TMEM52B: variants seen among roughly 807,000 people sequenced by gnomAD.
TMEM52B encodes the protein transmembrane protein 52B.
In TMEM52B, 11 loss-of-function variants were observed where a neutral mutation model predicts 16.1. The observed-to-expected ratio is 0.68, with a 90% confidence interval of 0.43 to 1.13. TMEM52B has a LOEUF of 1.13. TMEM52B is among the 50% of genes most tolerant of loss of function. The pLI, the probability that TMEM52B is intolerant of heterozygous loss-of-function variation, is 0.00. For missense variants in TMEM52B, 243 were observed against 230.4 expected, an observed-to-expected ratio of 1.05 and a Z score of -0.35; for synonymous variants, 101 against 93.8, an observed-to-expected ratio of 1.08 and a Z score of -0.45.
chr12:10,174,043 A>ATGTGT (rs1948747479), upstream of TMEM52B, among the ~76,000 whole-genome samples: 2 of 134,800 alleles, frequency 1.5e-5, no homozygotes, highest in Non-Finnish European at 3.1e-5. Flanking sequence ...GGTGAATTTC[A>ATGTGT]TGTGTTTTGT....
At chr12:10,184,984 T>A (rs1488318434) in intron 2 of TMEM52B, among the ~76,000 whole-genome samples, 2 of 152,176 alleles carry the variant, frequency 1.3e-5, no homozygotes, top group African/African-American at 4.8e-5. Context: ...AGTGCTGGGA[T>A]TACAGGCATG....
intron 1 of TMEM52B, chr12:10,182,317 C>G: frequency 5.1e-6 from 5 of 985,208 alleles, no homozygotes; most frequent in Non-Finnish European, 6.0e-6. Flanking sequence ...TGATGCTCAC[C>G]CACCATCAAC....
upstream of TMEM52B, among the ~76,000 whole-genome samples, chr12:10,176,956 C>T (rs1424384087): frequency 6.6e-6 from 1 of 152,170 alleles, no homozygotes. Context: ...GGGAAAGTTT[C>T]ATGATGGGTT....
Position 10,190,387 on chromosome 12 carries a change from T to TGATTAGTTAGCCACACTGGTTAGTAGTA in TMEM52B, c.*247_*248insGATTAGTTAGCCACACTGGTTAGTAGTA. 1 of 465,476 alleles carries TGATTAGTTAGCCACACTGGTTAGTAGTA rather than the reference T, an allele frequency of 2.1e-6. No homozygotes were observed. Among genetic ancestry groups the TGATTAGTTAGCCACACTGGTTAGTAGTA allele is most frequent in the Non-Finnish European group, 3.9e-6 (1 of 254,690 alleles). The allele number at this position is 465,476 out of a possible 1,614,324, so 28.8% of individuals were successfully genotyped here. A position where few individuals can be genotyped will look rare whatever the true frequency, so the allele number is the denominator to read the frequency against. ...AGTAATCTCTAGCCACACTGATTAC[T>TGATTAGTTAGCCACACTGGTTAGTAGTA]ACTAAACCAGGAAAGCATCAAGGTG... On this transcript the variant is annotated 3_prime_UTR_variant, in exon 5 of 5. Transcript: ENST00000543484.
intron 3 of TMEM52B, 61 bp from the exon 4 acceptor site, chr12:10,186,359 C>T: frequency 6.8e-7 from 1 of 1,463,610 alleles, no homozygotes; most frequent in Non-Finnish European, 9.3e-7. Context: ...AGACTGGTTA[C>T]AGCAGAGCTG....
chr12:10,186,286 A>G, intron 3 of TMEM52B, 134 bp from the exon 4 acceptor site: 1 of 577,862 alleles, frequency 1.7e-6, no homozygotes, highest in Non-Finnish European at 2.5e-6. Context: ...TTAAAATTAT[A>G]AATTAAAATA....
upstream of TMEM52B, among the ~76,000 whole-genome samples, chr12:10,178,380 G>A (rs1374311931): frequency 6.6e-6 from 1 of 151,802 alleles, no homozygotes; most frequent in Non-Finnish European, 1.5e-5. Context: ...AAACTTAGCC[G>A]GGCGTGGTGG....
intron 4 of TMEM52B, 69 bp from the exon 5 acceptor site, chr12:10,189,827 T>C: frequency 6.4e-7 from 1 of 1,570,962 alleles, no homozygotes; most frequent in Middle Eastern, 2.3e-4. Flanking sequence ...AAGTGTGAAG[T>C]AAGTCTCTGC....
chr12:10,180,375 G>C (rs2401643), intron 1 of TMEM52B, among the ~76,000 whole-genome samples: 50,985 of 150,290 alleles, frequency 0.34, 9,514 homozygotes, highest in East Asian at 0.81. Flanking sequence ...CCTTTGCCTT[G>C]TCTTCCCTTC....
At chr12:10,175,006 T>C (rs1483381958), upstream of TMEM52B, among the ~76,000 whole-genome samples, 1 of 152,230 alleles carries the variant, frequency 6.6e-6, no homozygotes, top group East Asian at 1.9e-4. Context: ...GGGTTTATCC[T>C]GTTTTTAAAG....
Position 10,179,276 on chromosome 12 carries a change from G to C in TMEM52B, c.-299G>C. On this transcript the variant is annotated 5_prime_UTR_variant, in exon 1 of 5. The change abolishes the stop of an existing upstream ORF in the 5' untranslated region. Coordinates refer to ENST00000543484, the MANE Select transcript of TMEM52B (RefSeq NM_001384896.1). ...TAGGAGAAAGAAACTTCAAGATGTAGAAAGAATTAATAGTGTAACGGAAAG... is the reference window on the plus strand; with the variant it reads ...TAGGAGAAAGAAACTTCAAGATGTACAAAGAATTAATAGTGTAACGGAAAG... The C allele has an allele frequency of 2.8e-6, 1 of 359,156 alleles. No individual in the cohort carries two copies. The highest frequency in any genetic ancestry group is 5.2e-6 in the Non-Finnish European group (1 of 192,666). 22.2% of individuals were successfully genotyped at this position (359,156 alleles called of 1,614,324 possible). A position where few individuals can be genotyped will look rare whatever the true frequency, so the allele number is the denominator to read the frequency against.
chr12:10,185,340 A>G lies in TMEM52B; in HGVS notation c.109A>G (p.Thr37Ala), dbSNP rs756958883. Reference protein sequence around the residue: ...NCGNPEHCLTTDWVHLWYIWL... With the variant: ...NCGNPEHCLTADWVHLWYIWL... The stretch of plus-strand genomic sequence containing the variant: ...ATTCTTTCTTTATAGTTGCCTGACC[A>G]CAGACTGGGTACATCTCTGGTATAT... Residue 37 changes from threonine (T) to alanine (A), a missense_variant, in exon 3 of 5, where the codon ACA becomes GCA. Physicochemically the swap from Thr to Ala is moderately conservative, Grantham distance 58. Coordinates refer to ENST00000543484, the MANE Select transcript of TMEM52B (RefSeq NM_001384896.1). 5 of 1,607,048 alleles carry G rather than the reference A, an allele frequency of 3.1e-6. No homozygotes were observed. Among genetic ancestry groups the G allele is most frequent in the Non-Finnish European group, 4.3e-6 (5 of 1,173,494 alleles).
chr12:10,183,266 C>G (rs1948843695), intron 2 of TMEM52B, among the ~76,000 whole-genome samples: 1 of 151,934 alleles, frequency 6.6e-6, no homozygotes, highest in African/African-American at 2.4e-5. Context: ...TCTGTTAAAC[C>G]CAGGGAAAGG....
chr12:10,183,699 A>G (rs905560852), intron 2 of TMEM52B, among the ~76,000 whole-genome samples: 1 of 152,050 alleles, frequency 6.6e-6, no homozygotes, highest in Admixed American at 6.6e-5. Flanking sequence ...TACAATTGCC[A>G]TAGTGAACTC....
intron 1 of TMEM52B, chr12:10,171,923 A>G: frequency 9.3e-7 from 1 of 1,069,928 alleles, no homozygotes. Context: ...TAGCTTTCTA[A>G]TCCCATTCTT....
chr12:10,179,386 C>A lies in TMEM52B; in HGVS notation c.-189C>A. 3 of 601,266 alleles carry A rather than the reference C, an allele frequency of 5.0e-6. No individual in the cohort carries two copies. The highest frequency in any genetic ancestry group is 2.1e-5 in the South Asian group (1 of 47,414). The allele number at this position is 601,266 out of a possible 1,614,324, so 37.2% of individuals were successfully genotyped here. On this transcript the variant is annotated 5_prime_UTR_variant, in exon 1 of 5. Coordinates refer to ENST00000543484, the MANE Select transcript of TMEM52B (RefSeq NM_001384896.1). ...AAAAACAGGAAAGAAGAGGGAAAAG[C>A]CATAGAAAATAACAGCCAGAGCGAG...
intron 4 of TMEM52B, among the ~76,000 whole-genome samples, chr12:10,186,980 C>T (rs1029761551): frequency 4.6e-5 from 7 of 151,858 alleles, no homozygotes; most frequent in African/African-American, 1.7e-4. Flanking sequence ...AAATTAATGA[C>T]ATGTACTTTC....
chr12:10,171,104 T>C (rs1948711989), intron 1 of TMEM52B, among the ~76,000 whole-genome samples: 1 of 152,240 alleles, frequency 6.6e-6, no homozygotes, highest in Non-Finnish European at 1.5e-5. Context: ...CACTTCTGGT[T>C]TTACCTATAA....
intron 2 of TMEM52B, among the ~76,000 whole-genome samples, chr12:10,183,610 C>T (rs1454668351): frequency 1.3e-5 from 2 of 152,174 alleles, no homozygotes; most frequent in Non-Finnish European, 2.9e-5. Context: ...TTTGCCTCCC[C>T]TCATTCTCCA....
Sources: allele counts gnomAD v4.1 joint callset (sites outside exome capture counted in the v4.1 genomes callset), GRCh38; gene constraint gnomAD v4.1.1; transcripts MANE v1.5; gene names NCBI Gene and HGNC (gene_info 2026-07-23, HGNC 2026-07-21).